Variants in TMX4 observed in about 807,000 individuals in gnomAD.
TMX4 encodes the protein thioredoxin related transmembrane protein 4.
TMX4 carries 23 observed loss-of-function variants against 33.3 expected under a neutral mutation model. The observed-to-expected ratio is 0.69, with a 90% CI of 0.50 to 0.98. The LOEUF (loss-of-function observed/expected upper bound fraction) is 0.98, where lower values mean the gene tolerates loss of function less well. Ranked by LOEUF, TMX4 falls within the 50% of genes least tolerant of loss-of-function variation. The probability of loss-of-function intolerance (pLI) is 0.00; values close to 1 mark genes in which losing one functional copy is unlikely to be tolerated. For missense variants in TMX4, 399 were observed against 448.9 expected (o/e 0.89, Z 1.01); for synonymous variants, 164 against 161.5 (o/e 1.02, Z -0.12).
At chr20:8,005,516 G>A (rs2050725280) in intron 2 of TMX4, among the ~76,000 whole-genome samples, 1 of 152,216 alleles carries the variant, frequency 6.6e-6, no homozygotes, top group South Asian at 2.1e-4. Context: ...CCTCGGGGCT[G>A]TGCCCATGGA....
intron 4 of TMX4, among the ~76,000 whole-genome samples, chr20:7,999,490 G>C (rs1288655343): frequency 2.0e-5 from 3 of 152,112 alleles, no homozygotes; most frequent in African/African-American, 7.2e-5. Flanking sequence ...GTAAAAGCTG[G>C]AAAAGAGGCG....
chr20:7,984,931 T>C (rs2050624189), intron 6 of TMX4, among the ~76,000 whole-genome samples: 2 of 152,120 alleles, frequency 1.3e-5, no homozygotes, highest in Non-Finnish European at 2.9e-5. Flanking sequence ...AGAGCCAGCC[T>C]CAGGCAGCTT....
chr20:7,982,566 C>T lies in TMX4; in HGVS notation c.735G>A (p.Glu245=). 6.2e-7 allele frequency: 1 copy of T among 1,613,838 alleles called. No homozygotes were observed. The highest frequency in any genetic ancestry group is 1.1e-5 in the South Asian group (1 of 91,072). ...AHRAEQLQDA[E]EEKDDSNEEE... The stretch of plus-strand genomic sequence containing the variant: ...CTTCATTTGAATCATCTTTTTCCTC[C>T]TCCGCATCCTGCAACTGTTCAGCTC... Residue 245 remains glutamate, a synonymous_variant, in exon 8 of 8, where the codon GAG becomes GAA. Transcript: ENST00000246024.
chr20:7,985,261 A>G (rs757005836), intron 6 of TMX4, among the ~76,000 whole-genome samples: 1 of 110,364 alleles, frequency 9.1e-6, no homozygotes, highest in Non-Finnish European at 1.7e-5. Context: ...GTGTGTGTAT[A>G]TATATATATA....
chr20:7,984,515 A>AG (rs2050622289), intron 6 of TMX4, among the ~76,000 whole-genome samples: 1 of 152,172 alleles, frequency 6.6e-6, no homozygotes, highest in Admixed American at 6.5e-5. Context: ...AACAACAAAG[A>AG]GAAAAAAAAA....
At chr20:8,013,956 G>A (rs1417624101) in intron 1 of TMX4, 2 of 152,110 alleles carry the variant, frequency 1.3e-5, no homozygotes, top group Admixed American at 1.3e-4. Context: ...AGAGGAAAGA[G>A]GTATACTAGG....
At chr20:7,991,999 C>T (rs973666097) in intron 5 of TMX4, among the ~76,000 whole-genome samples, 2 of 152,188 alleles carry the variant, frequency 1.3e-5, no homozygotes, top group African/African-American at 2.4e-5. Context: ...CACACAAAAC[C>T]CAAGAACTTC....
chr20:8,009,102 T>C (rs1216504975), intron 2 of TMX4, among the ~76,000 whole-genome samples: 1 of 152,164 alleles, frequency 6.6e-6, no homozygotes, highest in Non-Finnish European at 1.5e-5. Context: ...TAGGTATAAA[T>C]TGAATGTCAA....
At chr20:8,013,712 T>C (rs960289730) in intron 1 of TMX4, 5 of 152,234 alleles carry the variant, frequency 3.3e-5, no homozygotes, top group African/African-American at 1.2e-4. Context: ...AGAGAAGGAC[T>C]TACTTATATT....
At chr20:7,994,572 C>G (rs1051940073) in intron 5 of TMX4, among the ~76,000 whole-genome samples, 1 of 152,184 alleles carries the variant, frequency 6.6e-6, no homozygotes, top group Non-Finnish European at 1.5e-5. Flanking sequence ...AGTAAAACTT[C>G]TCTTTTACAG....
chr20:8,002,944 G>C (rs1179564800), intron 2 of TMX4, among the ~76,000 whole-genome samples: 1 of 151,926 alleles, frequency 6.6e-6, no homozygotes, highest in Non-Finnish European at 1.5e-5. Context: ...ATTGTACATT[G>C]GAAAAAAAAG....
rs1372425330 is a variant in TMX4, at chr20:7,982,384, C to A, written c.917G>T (p.Gly306Val). The A allele has an allele frequency of 6.2e-7, 1 of 1,614,080 alleles. No individual in the cohort carries two copies. The highest frequency in any genetic ancestry group is 8.5e-7 in the Non-Finnish European group (1 of 1,180,030). ...AGGCTCTACTTCCTCCCGGGTCACA[C>A]CGTCCTCTCCTGGGGGCCCCTGATC... ...ANDQGPPGEDGVTREEVEPEE... is the reference protein window; with the variant it reads ...ANDQGPPGEDVVTREEVEPEE... Residue 306 changes from glycine (G) to valine (V), a missense_variant, in exon 8 of 8, where the codon GGT (glycine) becomes GTT (valine). Gly to Val is a moderately radical substitution (Grantham distance 109). Transcript: ENST00000246024.
At position 7,983,825 on chromosome 20, in the gene TMX4, CACATAGAA is replaced by C; in HGVS notation, c.640_647del (p.Phe214AlafsTer8). ...GCTCAGATAAATGCCTTGGAAGTGG[CACATAGAA>C]ACATTCTGATATTACCACCAAGACC... On this transcript the variant is annotated frameshift_variant, in exon 7 of 8. Coordinates refer to ENST00000246024, the MANE Select transcript of TMX4 (RefSeq NM_021156.4). LOFTEE classifies it low-confidence loss of function (END_TRUNC). 6.2e-7 allele frequency: 1 copy of C among 1,613,316 alleles called. No individual in the cohort carries two copies. Among genetic ancestry groups the C allele is most frequent in the Non-Finnish European group, 8.5e-7 (1 of 1,179,746 alleles).
At chr20:8,016,600 T>G (rs547441774) in intron 1 of TMX4, among the ~76,000 whole-genome samples, 147 of 152,292 alleles carry the variant, frequency 9.7e-4, no homozygotes, top group African/African-American at 3.4e-3. Context: ...TAATAGAAGC[T>G]TTTCATGTCT....
chr20:8,009,297 ATGATTCATTCT>A (rs1163167680), intron 2 of TMX4, among the ~76,000 whole-genome samples: 3 of 152,144 alleles, frequency 2.0e-5, no homozygotes, highest in Non-Finnish European at 2.9e-5. Flanking sequence ...TGGGGTAAAA[ATGATTCATTCT>A]TGTGAAAACT....
intron 4 of TMX4, among the ~76,000 whole-genome samples, chr20:7,997,062 C>T: frequency 6.6e-6 from 1 of 152,148 alleles, no homozygotes; most frequent in East Asian, 1.9e-4. Flanking sequence ...TTCTTGAACA[C>T]TCATTTGGCT....
At chr20:8,009,226 A>G (rs1398567637) in intron 2 of TMX4, among the ~76,000 whole-genome samples, 1 of 152,164 alleles carries the variant, frequency 6.6e-6, no homozygotes, top group African/African-American at 2.4e-5. Context: ...TAAAACTACA[A>G]ACACAAATTT....
chr20:8,011,781 A>G (rs2050754162), intron 1 of TMX4, among the ~76,000 whole-genome samples: 1 of 152,120 alleles, frequency 6.6e-6, no homozygotes, highest in Admixed American at 6.5e-5. Context: ...ACTACTATAT[A>G]GCTAATTCCA....
At chr20:8,013,966 G>A (rs1264604396) in intron 1 of TMX4, 1 of 152,104 alleles carries the variant, frequency 6.6e-6, no homozygotes, top group Non-Finnish European at 1.5e-5. Context: ...GGTATACTAG[G>A]TTCATCTTTC....
Sources: gnomAD v4.1 joint callset for allele counts (sites outside exome capture counted in the v4.1 genomes callset) on GRCh38, gnomAD v4.1.1 for gene constraint, MANE v1.5 for transcripts, NCBI Gene and HGNC (gene_info 2026-07-23, HGNC 2026-07-21) for gene names.